RUNX1: variants seen among roughly 807,000 people sequenced by gnomAD.
RUNX1 encodes runt-related transcription factor 1.
In RUNX1, 19 loss-of-function variants were observed where a neutral mutation model predicts 42.8. The observed-to-expected ratio is 0.44, with a 90% CI of 0.31 to 0.65. The LOEUF is 0.65. Ranked by LOEUF, RUNX1 falls within the 30% of genes least tolerant of loss-of-function variation. RUNX1 has a pLI of 0.07. For synonymous variants in RUNX1, 271 were observed against 289.4 expected (o/e 0.94, Z 0.64); for missense variants, 528 against 672.0 (o/e 0.79, Z 2.37).
At chr21:34,920,225 C>T (rs1424714780) in intron 2 of RUNX1, among the ~76,000 whole-genome samples, 1 of 152,194 alleles carries the variant, frequency 6.6e-6, no homozygotes, top group Non-Finnish European at 1.5e-5. Context: ...TGAGGCTTTA[C>T]TCCCACTCTC....
chr21:35,006,598 C>T (rs1335278028), intron 2 of RUNX1, among the ~76,000 whole-genome samples: 1 of 152,118 alleles, frequency 6.6e-6, no homozygotes, highest in African/African-American at 2.4e-5. Flanking sequence ...GCAATAATAC[C>T]AGTATCCTGG....
At chr21:34,865,219 C>CTTA (rs918082363) in intron 5 of RUNX1, among the ~76,000 whole-genome samples, 71 of 151,418 alleles carry the variant, frequency 4.7e-4, no homozygotes, top group African/African-American at 1.7e-3. Flanking sequence ...TGACAGATCC[C>CTTA]GTAAGAAGGA....
chr21:34,816,595 G>T (rs893063603), intron 7 of RUNX1, among the ~76,000 whole-genome samples: 13 of 152,278 alleles, frequency 8.5e-5, no homozygotes, highest in Admixed American at 3.3e-4. Flanking sequence ...TCAGGAGTCG[G>T]GAAGGGAGTC....
At chr21:34,919,388 C>A (rs1444843008) in intron 2 of RUNX1, among the ~76,000 whole-genome samples, 2 of 152,182 alleles carry the variant, frequency 1.3e-5, no homozygotes, top group Non-Finnish European at 2.9e-5. Context: ...CGTTTGAGCC[C>A]TGTTACTGGA....
intron 2 of RUNX1, among the ~76,000 whole-genome samples, chr21:34,960,722 A>G (rs2058675953): frequency 6.6e-6 from 1 of 152,116 alleles, no homozygotes; most frequent in Non-Finnish European, 1.5e-5. Context: ...CTTGTGTATA[A>G]TTTTTACCCC....
chr21:34,993,827 A>T (rs2058972514), intron 2 of RUNX1, among the ~76,000 whole-genome samples: 1 of 148,960 alleles, frequency 6.7e-6, no homozygotes, highest in Admixed American at 6.6e-5. Context: ...ACATACACAG[A>T]CACACACACA....
intron 2 of RUNX1, among the ~76,000 whole-genome samples, chr21:34,966,746 C>T (rs1224230358): frequency 1.3e-5 from 2 of 152,170 alleles, no homozygotes; most frequent in African/African-American, 2.4e-5. Context: ...ACTGAAAATG[C>T]TATTATGGTT....
intron 7 of RUNX1, among the ~76,000 whole-genome samples, chr21:34,815,363 G>C (rs964035288): frequency 6.6e-6 from 1 of 152,182 alleles, no homozygotes; most frequent in African/African-American, 2.4e-5. Flanking sequence ...GGGGAGGGGA[G>C]GGACTGGGGA....
chr21:34,900,681 T>C (rs1180699043), intron 2 of RUNX1, among the ~76,000 whole-genome samples: 1 of 152,230 alleles, frequency 6.6e-6, no homozygotes, highest in Non-Finnish European at 1.5e-5. Context: ...CCACTTAACA[T>C]TCACCAGTCA....
At chr21:35,023,615 C>T (rs2059215176) in intron 2 of RUNX1, among the ~76,000 whole-genome samples, 4 of 152,216 alleles carry the variant, frequency 2.6e-5, no homozygotes, top group Admixed American at 2.0e-4. Flanking sequence ...CTTTGGTCTC[C>T]AGCCCTGCCT....
At chr21:34,956,418 T>A (rs2058644228) in intron 2 of RUNX1, among the ~76,000 whole-genome samples, 1 of 152,142 alleles carries the variant, frequency 6.6e-6, no homozygotes, top group Non-Finnish European at 1.5e-5. Flanking sequence ...CAGAACACAG[T>A]CATTTTTTTG....
intron 5 of RUNX1, among the ~76,000 whole-genome samples, chr21:34,871,643 G>A (rs2057739006): frequency 6.6e-6 from 1 of 152,158 alleles, no homozygotes; most frequent in Non-Finnish European, 1.5e-5. Flanking sequence ...GGGCAGGTGG[G>A]ATAAAGCTCC....
chr21:34,889,995 G>A (rs1036630002), intron 3 of RUNX1, among the ~76,000 whole-genome samples: 1 of 152,088 alleles, frequency 6.6e-6, no homozygotes, highest in Non-Finnish European at 1.5e-5. Context: ...CCGGCGCGGG[G>A]GTCCCTCGCC....
chr21:34,962,211 C>CT (rs753537452), intron 2 of RUNX1, among the ~76,000 whole-genome samples: 9 of 151,974 alleles, frequency 5.9e-5, no homozygotes, highest in East Asian at 5.8e-4. Context: ...TATTTAAATT[C>CT]TTTTTTTTCC....
intron 7 of RUNX1, among the ~76,000 whole-genome samples, chr21:34,804,004 A>C (rs990718222): frequency 1.3e-5 from 2 of 152,238 alleles, no homozygotes; most frequent in Non-Finnish European, 2.9e-5. Context: ...AATGCTGAAC[A>C]AACTGAAAAT....
chr21:34,846,694 T>TA (rs2146150197), intron 6 of RUNX1, among the ~76,000 whole-genome samples: 2 of 152,320 alleles, frequency 1.3e-5, no homozygotes, highest in South Asian at 4.1e-4. Context: ...AGATTCCTTT[T>TA]AGAGTTCAAC....
In RUNX1 at chr21:34,792,313, T is replaced by C. The variant is rs2056451758; in HGVS notation, c.1265A>G (p.Glu422Gly). The change falls in exon 9 of 9, where the codon GAG becomes GGG. Residue 422 changes from glutamate (E) to glycine (G), a missense_variant. Around this residue, in one of 3 missense-constraint regions of RUNX1, gnomAD observed 331 missense variants for 382.5 expected, o/e 0.87. Coordinates refer to ENST00000675419, the MANE Select transcript of RUNX1 (RefSeq NM_001754.5). This position sits in a 1 kb window ranked among gnomAD's most constrained non-coding sequence, Gnocchi z 6.9. The part of the protein sequence containing the change: ...GSYQFSMVGG[E>G]RSPPRILPPC... Reference sequence around the variant, plus strand: ...CGGCAGGATGCGCGGCGGCGAGCGCTCGCCGCCCACCATGGAGAACTGGTA... The same window carrying C: ...CGGCAGGATGCGCGGCGGCGAGCGCCCGCCGCCCACCATGGAGAACTGGTA... The C allele has an allele frequency of 9.1e-4, 1,157 of 1,266,062 alleles. No homozygotes were observed. The highest frequency in any genetic ancestry group is 3.9e-3 in the East Asian group (114 of 29,136). 78.4% of individuals were successfully genotyped at this position (1,266,062 alleles called of 1,614,324 possible).
At chr21:35,011,079 G>C (rs2097870146) in intron 2 of RUNX1, among the ~76,000 whole-genome samples, 1 of 151,826 alleles carries the variant, frequency 6.6e-6, no homozygotes, top group African/African-American at 2.4e-5. Context: ...GAGTCGATTT[G>C]CTAGTAGGTT....
At chr21:34,887,901 G>A in intron 3 of RUNX1, 1 of 1,065,322 alleles carries the variant, frequency 9.4e-7, no homozygotes, top group Non-Finnish European at 1.1e-6. Flanking sequence ...AAAACGCTCA[G>A]TGCAGAAAAT....
Sources: gnomAD v4.1 joint callset for allele counts (sites outside exome capture counted in the v4.1 genomes callset) on GRCh38, gnomAD v4.1.1 for gene constraint, gnomAD v4.1.1 regional missense constraint, Gnocchi (gnomAD v3.1) non-coding constraint, MANE v1.5 for transcripts, NCBI Gene and HGNC (gene_info 2026-07-23, HGNC 2026-07-21) for gene names.